Variants in OBP2B observed in about 807,000 individuals in gnomAD.
OBP2B encodes the protein odorant binding protein 2B, also known as odorant-binding protein 2b.
OBP2B carries 10 observed loss-of-function variants against 21.7 expected under a neutral mutation model. The observed-to-expected ratio is 0.46, with a 90% CI of 0.28 to 0.78. The LOEUF is 0.78. OBP2B is among the 30% of genes least tolerant of loss of function. The pLI, the probability that OBP2B is intolerant of heterozygous loss-of-function variation, is 0.11. For synonymous variants in OBP2B, 73 were observed against 91.5 expected (o/e 0.80, Z 1.16); for missense variants, 153 against 217.7 (o/e 0.70, Z 1.87).
chr9:133,209,061 C>T lies in OBP2B; in HGVS notation c.72+67G>A. 1 of 1,596,762 alleles carries T rather than the reference C, an allele frequency of 6.3e-7. No individual in the cohort carries two copies. Among genetic ancestry groups the T allele is most frequent in the Non-Finnish European group, 8.5e-7 (1 of 1,172,376 alleles). On this transcript the variant is annotated intron_variant, in intron 1 of 6. Transcript: ENST00000372034. The surrounding 1 kb of genome is among the most constrained non-coding windows in gnomAD (Gnocchi z 6.0). Reference sequence around the variant, plus strand: ...TCAGTGACACCTCCTAAAGCAGGGCCCCTGGCACTGCCCCCTGCCCAGGAG... The same window carrying T: ...TCAGTGACACCTCCTAAAGCAGGGCTCCTGGCACTGCCCCCTGCCCAGGAG...
intron 4 of OBP2B, 83 bp downstream of exon 4, chr9:133,207,143 C>A: frequency 1.0e-6 from 1 of 979,272 alleles, no homozygotes; most frequent in Non-Finnish European, 1.6e-6. Context: ...TCCCCCATGC[C>A]AGGGCATGGT....
the OBP2B span, among the ~76,000 whole-genome samples, chr9:133,220,439 C>T: frequency 1.3e-5 from 2 of 152,212 alleles, no homozygotes; most frequent in Non-Finnish European, 2.9e-5. Context: ...TATTGATTGC[C>T]AGTTCCCCCC....
At chr9:133,218,186 C>T in the OBP2B span, among the ~76,000 whole-genome samples, 1 of 152,184 alleles carries the variant, frequency 6.6e-6, no homozygotes, top group Admixed American at 6.5e-5. Context: ...AAGAGGAGTC[C>T]AGGTGGCAGG....
intron 3 of OBP2B, 37 bp from the exon 4 acceptor site, chr9:133,207,373 G>A: frequency 2.2e-6 from 3 of 1,344,240 alleles, no homozygotes; most frequent in Non-Finnish European, 3.2e-6. Flanking sequence ...TTCCCAGAGA[G>A]AACACTCGGG....
At chr9:133,207,958 G>A in intron 3 of OBP2B, 175 bp downstream of exon 3, 1 of 1,533,398 alleles carries the variant, frequency 6.5e-7, no homozygotes, top group East Asian at 2.4e-5. Context: ...GTCACACCCG[G>A]TGTCTGATGT....
At chr9:133,209,878 G>A (rs184070297), upstream of OBP2B, among the ~76,000 whole-genome samples, 2 of 152,046 alleles carry the variant, frequency 1.3e-5, no homozygotes, top group East Asian at 1.9e-4. This position sits in a 1 kb window ranked among gnomAD's most constrained non-coding sequence, Gnocchi z 6.0. Context: ...CCGCCTCCCC[G>A]ACCCCGCTTC....
chr9:133,210,457 A>C (rs1833893483), upstream of OBP2B, among the ~76,000 whole-genome samples: 3 of 150,556 alleles, frequency 2.0e-5, no homozygotes, highest in South Asian at 2.1e-4. Context: ...CCCCACCCTC[A>C]TCCCCCCGGG....
chr9:133,214,068 T>C (rs556237768), upstream of OBP2B, among the ~76,000 whole-genome samples: 1 of 152,294 alleles, frequency 6.6e-6, no homozygotes, highest in East Asian at 1.9e-4. Context: ...CCTGGTACAA[T>C]ACTCAAAAAT....
At chr9:133,209,335 T>C, upstream of OBP2B, 1 of 805,536 alleles carries the variant, frequency 1.2e-6, no homozygotes, top group East Asian at 2.7e-5. This position sits in a 1 kb window ranked among gnomAD's most constrained non-coding sequence, Gnocchi z 6.0. Flanking sequence ...CCCCTCCCCA[T>C]GGTGGCAACC....
chr9:133,221,442 C>T, the OBP2B span, among the ~76,000 whole-genome samples: 6 of 152,238 alleles, frequency 3.9e-5, no homozygotes, highest in South Asian at 2.1e-4. Flanking sequence ...CTCTTGGGCA[C>T]GGCATGAAGT....
At chr9:133,211,108 G>C (rs1282807383), upstream of OBP2B, among the ~76,000 whole-genome samples, 9 of 152,136 alleles carry the variant, frequency 5.9e-5, no homozygotes, top group Non-Finnish European at 1.2e-4. Flanking sequence ...ACAGTGTCTG[G>C]GCTTTACTCG....
At position 133,208,609 on chromosome 9, in the gene OBP2B, C is replaced by A. The variant is rs374297978; in HGVS notation, c.73-7G>T. On this transcript the variant is annotated splice_region_variant and splice_polypyrimidine_tract_variant and intron_variant, in intron 1 of 6. Coordinates refer to ENST00000372034, the MANE Select transcript of OBP2B (RefSeq NM_014581.4). ...CGTACCAGGTCCCTGTGATCTGGAG[C>A]AGGCCAAGGCCGTGAGCCCACCATG... The A allele has an allele frequency of 2.2e-4, 345 of 1,598,086 alleles. No homozygotes were observed. Among genetic ancestry groups the A allele is most frequent in the Non-Finnish European group, 2.8e-4 (328 of 1,170,130 alleles).
the OBP2B span, among the ~76,000 whole-genome samples, chr9:133,220,105 C>T: frequency 2.6e-5 from 4 of 152,070 alleles, no homozygotes; most frequent in East Asian, 1.9e-4. Context: ...GGTTCTGGGG[C>T]GTGGAGGGAA....
rs1290501762 is a variant in OBP2B, at chr9:133,206,379, T to A, written c.426A>T (p.Glu142Asp). 17 of 1,613,864 alleles carry A rather than the reference T, an allele frequency of 1.1e-5. No individual in the cohort carries two copies. The highest frequency in any genetic ancestry group is 1.4e-5 in the Non-Finnish European group (17 of 1,179,984). The part of the protein sequence containing the change: ...NSDTNREALE[E>D]FKKLVQRKGL... ...CCTTGCGCTGCACCAATTTCTTAAA[T>A]TCTTCCAGGGCCTCCCGGTTGGTAT... The change falls in exon 5 of 7, where the codon GAA becomes GAT. Residue 142 changes from glutamate to aspartate, a missense_variant. Transcript: ENST00000372034.
In OBP2B at chr9:133,206,328, C is replaced by G. The variant is rs781806011; in HGVS notation, c.477G>C (p.Thr159=). The change falls in exon 5 of 7, where the codon ACG becomes ACC. Residue 159 remains threonine (T), a synonymous_variant. Transcript: ENST00000372034. ...AGCCATCCTCACCCGTCTGCAGGGG[C>G]GTGAAAATGTCCTCCTCCGAGAGTC... The part of the protein sequence containing the change: ...RKGLSEEDIF[T]PLQTGSCVPE... 6.2e-6 allele frequency: 10 copies of G among 1,613,968 alleles called. No homozygotes were observed. The highest frequency in any genetic ancestry group is 8.5e-6 in the Non-Finnish European group (10 of 1,179,872).
At chr9:133,212,922 C>A (rs1408234303), upstream of OBP2B, among the ~76,000 whole-genome samples, 2 of 145,624 alleles carry the variant, frequency 1.4e-5, no homozygotes, top group South Asian at 2.2e-4. Flanking sequence ...AGCAAGACTC[C>A]ATCTCAAAAA....
chr9:133,206,163 G>A (rs1203057985), intron 5 of OBP2B, 152 bp downstream of exon 5: 1 of 1,099,902 alleles, frequency 9.1e-7, no homozygotes, highest in African/African-American at 1.6e-5. Flanking sequence ...CCAATGAGGA[G>A]GACGCTAAAC....
At chr9:133,220,471 C>T in the OBP2B span, among the ~76,000 whole-genome samples, 1 of 151,916 alleles carries the variant, frequency 6.6e-6, no homozygotes, top group Non-Finnish European at 1.5e-5. Flanking sequence ...GAATAATGGT[C>T]CCCTGAAGAT....
intron 4 of OBP2B, among the ~76,000 whole-genome samples, chr9:133,206,775 G>A (rs543321243): frequency 6.6e-6 from 1 of 152,042 alleles, no homozygotes; most frequent in African/African-American, 2.4e-5. Context: ...CAGGAAGGGG[G>A]ACAGTGGCGG....
Sources: allele counts gnomAD v4.1 joint callset (sites outside exome capture counted in the v4.1 genomes callset), GRCh38; gene constraint gnomAD v4.1.1; non-coding constraint Gnocchi (gnomAD v3.1); transcripts MANE v1.5; gene names NCBI Gene and HGNC (gene_info 2026-07-23, HGNC 2026-07-21).